The following RFC2 variants were observed in gnomAD, a reference collection of about 807,000 sequenced individuals.
RFC2 encodes the protein A1 40 kDa subunit.
In RFC2, 34 loss-of-function variants were observed where a neutral mutation model predicts 44.8. The observed-to-expected ratio is 0.76, with a 90% CI of 0.58 to 1.01. The LOEUF (loss-of-function observed/expected upper bound fraction) is 1.01, where lower values mean the gene tolerates loss of function less well. RFC2 is among the 50% of genes least tolerant of loss of function. The pLI is 0.00. For synonymous variants in RFC2, 177 were observed against 168.9 expected, an observed-to-expected ratio of 1.05 and a Z score of -0.37; for missense variants, 400 against 453.6, an observed-to-expected ratio of 0.88 and a Z score of 1.07.
Position 74,238,602 on chromosome 7 carries a change from T to A in RFC2, c.759+321A>T, listed in dbSNP as rs527719327. Among the ~76,000 whole-genome samples the A allele has an allele frequency of 7.2e-5, 11 of 152,030 alleles. No individual in the cohort carries two copies. The highest frequency in any genetic ancestry group is 3.9e-4 in the Admixed American group (6 of 15,260). On this transcript the variant is annotated intron_variant, in intron 8 of 10. Coordinates refer to ENST00000055077, the MANE Select transcript of RFC2 (RefSeq NM_181471.3). This position sits in a 1 kb window ranked among gnomAD's most constrained non-coding sequence, Gnocchi z 4.0. ...CCTGGGCCCACGTCATCACCCACAATGTGATGGTGAGAACCTCTGTGCAGG... is the reference window on the plus strand; with the variant it reads ...CCTGGGCCCACGTCATCACCCACAAAGTGATGGTGAGAACCTCTGTGCAGG...
chr7:74,244,032 CTT>C (rs1249466504), intron 5 of RFC2, among the ~76,000 whole-genome samples: 15 of 144,298 alleles, frequency 1.0e-4, no homozygotes, highest in Non-Finnish European at 1.8e-4. Flanking sequence ...AGGTGGCTCT[CTT>C]GAGGTCAGGA....
At chr7:74,254,073 G>A (rs1447460476) in intron 1 of RFC2, among the ~76,000 whole-genome samples, 198 bp downstream of exon 1, 1 of 152,098 alleles carries the variant, frequency 6.6e-6, no homozygotes, top group Non-Finnish European at 1.5e-5. Flanking sequence ...GCGAGACTCC[G>A]CTCGCAGAGT....
intron 2 of RFC2, among the ~76,000 whole-genome samples, chr7:74,251,873 AGATCAC>A (rs1213474645): frequency 2.7e-4 from 36 of 132,154 alleles, no homozygotes; most frequent in Admixed American, 1.5e-3. Context: ...CGAGGTGGGC[AGATCAC>A]GAGGTCAGGA....
rs1055929 is a variant in RFC2 at position 74,231,971 on chromosome 7, T to C, written c.*135A>G. 0.024 allele frequency: 15,887 copies of C among 651,788 alleles called. 1,736 individuals carry two copies. The highest frequency in any genetic ancestry group is 0.24 in the African/African-American group (13,350 of 55,142). The allele number at this position is 651,788 out of a possible 1,614,324, so 40.4% of individuals were successfully genotyped here. On this transcript the variant is annotated 3_prime_UTR_variant, in exon 11 of 11. Transcript: ENST00000055077. Reference sequence around the variant, plus strand: ...TTGGGATTACAGGCGTGAGCTACCGTGCCTGGCCAGCCACTGGAGTTTAAA... The same window carrying C: ...TTGGGATTACAGGCGTGAGCTACCGCGCCTGGCCAGCCACTGGAGTTTAAA...
At chr7:74,240,280 T>A (rs1803255742) in intron 6 of RFC2, among the ~76,000 whole-genome samples, 185 bp from the exon 7 acceptor site, 1 of 151,892 alleles carries the variant, frequency 6.6e-6, no homozygotes, top group Admixed American at 6.6e-5. Context: ...GGCGGGAGGA[T>A]CACTTGAGGA....
Position 74,249,123 on chromosome 7 carries a change from G to A in RFC2, c.226-5C>T, listed in dbSNP as rs782581481. 1.7e-5 allele frequency: 27 copies of A among 1,613,498 alleles called. No homozygotes were observed. The highest frequency in any genetic ancestry group is 2.1e-5 in the Non-Finnish European group (25 of 1,179,684). The stretch of plus-strand genomic sequence containing the variant: ...CTTGCCGGTTCCTGGAGGGCCCTGG[G>A]AATGAGATCTCCAGTAAAGACTTCA... On this transcript the variant is annotated splice_region_variant and splice_polypyrimidine_tract_variant and intron_variant, in intron 3 of 10. Transcript: ENST00000055077.
At chr7:74,236,025 G>A (rs534362483) in intron 9 of RFC2, among the ~76,000 whole-genome samples, 2 of 152,190 alleles carry the variant, frequency 1.3e-5, no homozygotes, top group South Asian at 2.1e-4. Flanking sequence ...CTCTTGATCC[G>A]GAGCTCTTAA....
At chr7:74,241,382 G>C (rs1554719252) in intron 6 of RFC2, among the ~76,000 whole-genome samples, 1 of 152,214 alleles carries the variant, frequency 6.6e-6, no homozygotes, top group Non-Finnish European at 1.5e-5. Flanking sequence ...ATGGGTTAAT[G>C]AATCAATGCA....
At position 74,235,617 on chromosome 7, in the gene RFC2, T is replaced by A. The variant is rs782482706; in HGVS notation, c.869A>T (p.Tyr290Phe). The A allele has an allele frequency of 5.0e-6, 8 of 1,612,970 alleles. No homozygotes were observed. The Admixed American group carries it at 1.3e-4, about 27-fold the overall frequency. The stretch of plus-strand genomic sequence containing the variant: ...GTTGCCAATGATATCTTCTGGTGAG[T>A]AGCCCAGATGCCACAAGTGAGCAAG... ...KILAHLWHLG[Y>F]SPEDIIGNIF... Residue 290 changes from tyrosine (Y) to phenylalanine (F), a missense_variant, in exon 10 of 11, where the codon TAC becomes TTC. By Grantham distance (22) the Tyr-to-Phe change is conservative. Transcript: ENST00000055077.
intron 10 of RFC2, 47 bp downstream of exon 10, chr7:74,235,485 A>G (rs782690920): frequency 8.1e-7 from 1 of 1,231,116 alleles, no homozygotes; most frequent in East Asian, 2.3e-5. Flanking sequence ...CCCGGCCACT[A>G]TGGGCCACAT....
chr7:74,252,708 G>C (rs1465504472), intron 1 of RFC2, among the ~76,000 whole-genome samples: 1 of 152,156 alleles, frequency 6.6e-6, no homozygotes, highest in Non-Finnish European at 1.5e-5. Flanking sequence ...GCTGAGGCGG[G>C]TGGATCAATT....
rs1803779922 is a variant in RFC2, at chr7:74,249,001, C to CT, written c.332+10dup. The CT allele has an allele frequency of 1.9e-6, 3 of 1,598,104 alleles. No homozygotes were observed. Among genetic ancestry groups the CT allele is most frequent in the Non-Finnish European group, 2.6e-6 (3 of 1,166,008 alleles). ...CACCCGCCCCCCTACAGGTCTGACT[C>CT]TAAGACCTACCTGTCATTTGAAGCA... On this transcript the variant is annotated intron_variant, in intron 4 of 10. Coordinates refer to ENST00000055077, the MANE Select transcript of RFC2 (RefSeq NM_181471.3).
chr7:74,246,723 G>A lies in RFC2; in HGVS notation c.373C>T (p.Gln125Ter). 6.2e-7 allele frequency: 1 copy of A among 1,613,038 alleles called. No homozygotes were observed. The highest frequency in any genetic ancestry group is 8.5e-7 in the Non-Finnish European group (1 of 1,179,412). ...VVRNKIKMFAQQKVTLPKGRH... is the reference protein window; with the variant it reads ...VVRNKIKMFA The stretch of plus-strand genomic sequence containing the variant: ...CCTTTGGGAAGAGTGACTTTTTGTT[G>A]AGCAAACATTTTAATTTTATTCCTC... Residue 125 changes from glutamine to a stop codon, truncating the protein, a stop_gained, in exon 5 of 11, where the codon CAA (glutamine) becomes TAA (stop). Transcript: ENST00000055077. LOFTEE classifies it high-confidence loss of function.
At chr7:74,233,607 T>A (rs540272874) in intron 10 of RFC2, among the ~76,000 whole-genome samples, 2 of 149,932 alleles carry the variant, frequency 1.3e-5, no homozygotes, top group Non-Finnish European at 3.0e-5. Context: ...TTTTTTTTTT[T>A]TTTTTTTTTT....
chr7:74,241,810 A>G (rs1039574740), intron 6 of RFC2, among the ~76,000 whole-genome samples: 5 of 152,190 alleles, frequency 3.3e-5, no homozygotes, highest in Admixed American at 3.3e-4. Context: ...AAATACAAAA[A>G]TTAGCCTGGC....
At chr7:74,239,694 G>A (rs1332052871) in intron 7 of RFC2, among the ~76,000 whole-genome samples, 2 of 152,088 alleles carry the variant, frequency 1.3e-5, no homozygotes, top group African/African-American at 2.4e-5. Context: ...GGCCAGGCTG[G>A]TCTTGAACTC....
At chr7:74,233,730 A>C (rs2116246055) in intron 10 of RFC2, 1 of 435,272 alleles carries the variant, frequency 2.3e-6, no homozygotes, top group East Asian at 7.2e-5. Flanking sequence ...CCGCCCGAGT[A>C]GCTGGGATTA....
chr7:74,238,395 G>A lies in RFC2; in HGVS notation c.759+528C>T, dbSNP rs545564490. Among the ~76,000 whole-genome samples the A allele has an allele frequency of 1.3e-5, 2 of 152,268 alleles. No homozygotes were observed. The highest frequency in any genetic ancestry group is 1.9e-4 in the East Asian group (1 of 5,172). On this transcript the variant is annotated intron_variant, in intron 8 of 10. Transcript: ENST00000055077. This position sits in a 1 kb window ranked among gnomAD's most constrained non-coding sequence, Gnocchi z 4.0. ...ATTCCCAAGAGAAAAATGTTTTGCT[G>A]ACATGGGAGAGTAAGTGAGAAACCT...
chr7:74,240,765 A>C (rs1803290312), intron 6 of RFC2, among the ~76,000 whole-genome samples: 1 of 152,164 alleles, frequency 6.6e-6, no homozygotes, highest in Non-Finnish European at 1.5e-5. Context: ...TGGGCACATG[A>C]CAATTCAATC....
Sources: allele counts gnomAD v4.1 joint callset (sites outside exome capture counted in the v4.1 genomes callset), GRCh38; gene constraint gnomAD v4.1.1; non-coding constraint Gnocchi (gnomAD v3.1); transcripts MANE v1.5; gene names NCBI Gene and HGNC (gene_info 2026-07-23, HGNC 2026-07-21).